MROH7: variants seen among roughly 807,000 people sequenced by gnomAD.
MROH7 encodes maestro heat like repeat family member 7, also known as maestro heat-like repeat-containing protein family member 7.
MROH7 carries 113 observed loss-of-function variants against 129.2 expected under a neutral mutation model. The ratio of observed to expected loss-of-function variants is 0.87; its 90% CI spans 0.75 to 1.02. The LOEUF (loss-of-function observed/expected upper bound fraction) is 1.02, where lower values mean the gene tolerates loss of function less well. Among genes scored for constraint, MROH7 ranks in the 50% least tolerant of loss-of-function variants. MROH7 has a pLI of 0.00. For synonymous variants in MROH7, 655 were observed against 667.9 expected (o/e 0.98, Z 0.30); for missense variants, 1,601 against 1,671.3 (o/e 0.96, Z 0.73).
chr1:54,660,588 C>T (rs886656311), intron 3 of MROH7, among the ~76,000 whole-genome samples: 6 of 152,140 alleles, frequency 3.9e-5, no homozygotes, highest in African/African-American at 9.6e-5. Flanking sequence ...CTGAGGCAGG[C>T]GGATCACCTG....
chr1:54,674,636 TC>T (rs1644954084), intron 10 of MROH7, among the ~76,000 whole-genome samples: 1 of 152,160 alleles, frequency 6.6e-6, no homozygotes, highest in Non-Finnish European at 1.5e-5. Flanking sequence ...TGTCTTAGAA[TC>T]CAGAGCAGCT....
intron 15 of MROH7, among the ~76,000 whole-genome samples, chr1:54,691,190 G>C (rs1206689505): frequency 6.6e-6 from 1 of 152,214 alleles, no homozygotes; most frequent in African/African-American, 2.4e-5. Context: ...GGCATTGCCA[G>C]TAGGGACTAT....
intron 16 of MROH7, among the ~76,000 whole-genome samples, chr1:54,693,611 G>T (rs1016509582): frequency 1.4e-4 from 22 of 152,170 alleles, no homozygotes; most frequent in African/African-American, 5.1e-4. Flanking sequence ...GAGGTGGGAA[G>T]TGACCTGCTG....
chr1:54,665,380 T>C, intron 4 of MROH7, 140 bp downstream of exon 4: 2 of 611,820 alleles, frequency 3.3e-6, no homozygotes, highest in African/African-American at 1.8e-5. Context: ...CATTGCCGTC[T>C]GATGTGCCAT....
At chr1:54,679,184 G>T (rs1311394930) in intron 11 of MROH7, 79 bp from the exon 12 acceptor site, 2 of 1,432,582 alleles carry the variant, frequency 1.4e-6, no homozygotes, top group Non-Finnish European at 9.8e-7. Context: ...GGCAGTGTTT[G>T]TGCCTCTGTG....
chr1:54,659,645 G>A (rs1043146987), intron 3 of MROH7, among the ~76,000 whole-genome samples: 2 of 152,134 alleles, frequency 1.3e-5, no homozygotes, highest in African/African-American at 4.8e-5. Context: ...TAGAGACAAG[G>A]TTTCTGCATG....
At chr1:54,696,058 A>C (rs1645316922) in intron 17 of MROH7, among the ~76,000 whole-genome samples, 1 of 152,118 alleles carries the variant, frequency 6.6e-6, no homozygotes, top group Non-Finnish European at 1.5e-5. Context: ...TAATAATAAC[A>C]GCTAATATTT....
intron 17 of MROH7, chr1:54,697,259 T>G (rs1378756313): frequency 5.7e-6 from 1 of 173,924 alleles, no homozygotes; most frequent in Non-Finnish European, 1.2e-5. Flanking sequence ...GTTTGCCAAA[T>G]GAACAAGAGG....
intron 4 of MROH7, 131 bp downstream of exon 4, chr1:54,665,371 A>C: frequency 1.6e-6 from 1 of 628,078 alleles, no homozygotes. Context: ...CATAACATTC[A>C]TTGCCGTCTG....
At chr1:54,707,426 G>A (rs903558244) in intron 22 of MROH7, among the ~76,000 whole-genome samples, 5 of 152,164 alleles carry the variant, frequency 3.3e-5, no homozygotes, top group African/African-American at 9.7e-5. Context: ...CGTTGATTCC[G>A]TACTCTGTGA....
rs148865150 is a variant in MROH7, at chr1:54,646,861, A to G, written c.-110+4893A>G. Among the ~76,000 whole-genome samples, 1,329 of 152,296 alleles carry G rather than the reference A, an allele frequency of 8.7e-3. 19 individuals are homozygous for G. The highest frequency in any genetic ancestry group is 0.03 in the African/African-American group (1,264 of 41,554). On this transcript the variant is annotated intron_variant, in intron 1 of 23. Coordinates refer to ENST00000421030, the MANE Select transcript of MROH7 (RefSeq NM_001039464.4). The stretch of plus-strand genomic sequence containing the variant: ...ATCTACTGTCTCTGTAGATTTGACT[A>G]TTCTGGATATTTTATATAAAGGGAG...
rs553525945 is a variant in MROH7, at chr1:54,644,801, C to CT, written c.-110+2850dup. Among the ~76,000 whole-genome samples the CT allele has an allele frequency of 3.1e-3, 433 of 138,192 alleles. 1 individual carries two copies. Among genetic ancestry groups the CT allele is most frequent in the Middle Eastern group, 7.8e-3 (2 of 258 alleles). 90.7% of individuals were successfully genotyped at this position (138,192 alleles called of 152,430 possible). On this transcript the variant is annotated intron_variant, in intron 1 of 23. Coordinates refer to ENST00000421030, the MANE Select transcript of MROH7 (RefSeq NM_001039464.4). ...TCAGCCACCATGTCCAGCCAAATAA[C>CT]TTTTTTTTTTTTTTTTTCTGAGATG...
chr1:54,680,203 C>G (rs903766967), intron 13 of MROH7, among the ~76,000 whole-genome samples, 158 bp downstream of exon 13: 1 of 152,176 alleles, frequency 6.6e-6, no homozygotes, highest in Admixed American at 6.5e-5. Flanking sequence ...TAAGCACTTC[C>G]TGAGCACTGC....
chr1:54,666,511 T>C (rs1644818084), intron 4 of MROH7, among the ~76,000 whole-genome samples: 1 of 147,908 alleles, frequency 6.8e-6, no homozygotes, highest in Non-Finnish European at 1.5e-5. Context: ...CTTGGCTTGC[T>C]GCAGCCTTAA....
chr1:54,671,475 G>A lies in MROH7; in HGVS notation c.1599+546G>A, dbSNP rs866850395. 3.5e-4 allele frequency among the ~76,000 whole-genome samples: 54 copies of A among 152,346 alleles called. 1 individual carries two copies. The highest frequency in any genetic ancestry group is 1.1e-3 in the African/African-American group (46 of 41,578). Reference sequence around the variant, plus strand: ...TATGGGAGGGATGTGGGCAGATGACGGTATGGCCAGGGGAAGCGGCCAGGA... The same window carrying A: ...TATGGGAGGGATGTGGGCAGATGACAGTATGGCCAGGGGAAGCGGCCAGGA... On this transcript the variant is annotated intron_variant, in intron 7 of 23. Coordinates refer to ENST00000421030, the MANE Select transcript of MROH7 (RefSeq NM_001039464.4).
At position 54,670,486 on chromosome 1, in the gene MROH7, C is replaced by T. The variant is rs1376168039; in HGVS notation, c.1390-11C>T. ...CTGTCCTCATCGGCCCTTCTGTGGC[C>T]CCCTGTCCAGAGGCAGATCCAGGAG... On this transcript the variant is annotated splice_polypyrimidine_tract_variant and intron_variant, in intron 5 of 23. Transcript: ENST00000421030. The T allele has an allele frequency of 8.7e-6, 14 of 1,613,110 alleles. No individual in the cohort carries two copies. The highest frequency in any genetic ancestry group is 1.7e-4 in the Middle Eastern group (1 of 6,060).
chr1:54,695,601 A>G, intron 17 of MROH7, 111 bp downstream of exon 17: 1 of 753,450 alleles, frequency 1.3e-6, no homozygotes, highest in Admixed American at 2.0e-5. Context: ...AAGCCTTCCC[A>G]TGGGCATGAC....
chr1:54,673,974 T>C (rs757422620), intron 9 of MROH7, 42 bp from the exon 10 acceptor site: 26 of 1,607,396 alleles, frequency 1.6e-5, no homozygotes, highest in Non-Finnish European at 6.0e-6. Context: ...ATAGCATTAT[T>C]GAACCTATAA....
intron 3 of MROH7, among the ~76,000 whole-genome samples, chr1:54,662,818 G>A (rs904066948): frequency 8.5e-5 from 13 of 152,154 alleles, no homozygotes; most frequent in Admixed American, 2.0e-4. Context: ...AGTCTGATCT[G>A]TCTCCTGCAG....
Sources: allele counts gnomAD v4.1 joint callset (sites outside exome capture counted in the v4.1 genomes callset), GRCh38; gene constraint gnomAD v4.1.1; transcripts MANE v1.5; gene names NCBI Gene and HGNC (gene_info 2026-07-23, HGNC 2026-07-21).